Variants in SRSF12 observed in about 807,000 individuals in gnomAD.
SRSF12 encodes the protein serine and arginine rich splicing factor 12, also known as serine/arginine-rich splicing factor 12.
Under a neutral mutation model 34.1 loss-of-function variants are expected in SRSF12, and 21 were observed. The observed-to-expected ratio is 0.62, with a 90% CI of 0.44 to 0.89. The LOEUF (loss-of-function observed/expected upper bound fraction) is 0.89, where lower values mean the gene tolerates loss of function less well. Ranked by LOEUF, SRSF12 falls within the 40% of genes least tolerant of loss-of-function variation. SRSF12 has a pLI of 0.00. For synonymous variants in SRSF12, 111 were observed against 110.8 expected (o/e 1.00, Z -0.01); for missense variants, 278 against 327.8 (o/e 0.85, Z 1.17).
At chr6:89,115,501 C>T (rs888547083) in intron 1 of SRSF12, among the ~76,000 whole-genome samples, 1 of 151,942 alleles carries the variant, frequency 6.6e-6, no homozygotes, top group South Asian at 2.1e-4. Context: ...AGGTTGGTCT[C>T]GAACCCCTCA....
intron 4 of SRSF12, among the ~76,000 whole-genome samples, chr6:89,102,653 T>G (rs1768590567): frequency 6.6e-6 from 1 of 152,206 alleles, no homozygotes; most frequent in Non-Finnish European, 1.5e-5. Context: ...AGGAGCAATT[T>G]TAACACTGTT....
chr6:89,116,083 T>C (rs1371292396), intron 1 of SRSF12, among the ~76,000 whole-genome samples: 1 of 152,268 alleles, frequency 6.6e-6, no homozygotes, highest in Non-Finnish European at 1.5e-5. Flanking sequence ...AGCTGGAGCC[T>C]AGAGGCAGAT....
At chr6:89,116,818 A>G (rs1308844120) in intron 1 of SRSF12, among the ~76,000 whole-genome samples, 1 of 151,822 alleles carries the variant, frequency 6.6e-6, no homozygotes, top group African/African-American at 2.4e-5. Context: ...CTTAACGTTT[A>G]TTTACTCCTC....
chr6:89,105,762 T>C (rs1023969673), intron 2 of SRSF12: 5 of 277,266 alleles, frequency 1.8e-5, no homozygotes, highest in African/African-American at 1.1e-4. Flanking sequence ...AAAACAAACA[T>C]GTAACTGTAC....
chr6:89,115,527 C>T (rs1035344921), intron 1 of SRSF12, among the ~76,000 whole-genome samples: 4 of 152,100 alleles, frequency 2.6e-5, no homozygotes, highest in Non-Finnish European at 4.4e-5. Context: ...AGTGATCCGC[C>T]GAACTCGGTC....
At chr6:89,113,268 G>A (rs987619102) in intron 1 of SRSF12, among the ~76,000 whole-genome samples, 3 of 152,150 alleles carry the variant, frequency 2.0e-5, no homozygotes, top group Non-Finnish European at 4.4e-5. Context: ...CTGCCTCCCA[G>A]GTTCATGCGA....
In SRSF12 at chr6:89,100,098, G is replaced by C. The variant is rs1768469422; in HGVS notation, c.417-1151C>G. ...AAAAACTCTAGAGAAGAGTGAATTA[G>C]AGACCAAAAAGTACCTCTAAAATTT... is the stretch of plus-strand genomic sequence containing the variant. On this transcript the variant is annotated intron_variant, in intron 4 of 4. Transcript: ENST00000452027. Among the ~76,000 whole-genome samples the C allele has an allele frequency of 1.3e-5, 2 of 152,156 alleles. 1 individual carries two copies. Among genetic ancestry groups the C allele is most frequent in the South Asian group, 4.1e-4 (2 of 4,832 alleles).
chr6:89,104,530 G>A (rs1022938570), intron 4 of SRSF12, among the ~76,000 whole-genome samples: 6 of 151,900 alleles, frequency 3.9e-5, no homozygotes, highest in African/African-American at 1.2e-4. Context: ...GCCACTGCAC[G>A]CGGCTGAGTA....
chr6:89,101,782 T>A (rs1309614990), intron 4 of SRSF12, among the ~76,000 whole-genome samples: 2 of 152,062 alleles, frequency 1.3e-5, no homozygotes, highest in African/African-American at 4.8e-5. Flanking sequence ...ACCACAAGAC[T>A]GACAACTCAC....
intron 4 of SRSF12, among the ~76,000 whole-genome samples, 153 bp from the exon 5 acceptor site, chr6:89,099,100 G>A (rs1454467988): frequency 6.6e-6 from 1 of 151,246 alleles, no homozygotes; most frequent in Non-Finnish European, 1.5e-5. Context: ...CATGCTTTTG[G>A]TTCAAACATA....
chr6:89,116,557 T>C (rs982960889), intron 1 of SRSF12, among the ~76,000 whole-genome samples: 1 of 152,096 alleles, frequency 6.6e-6, no homozygotes, highest in African/African-American at 2.4e-5. Context: ...GGCGGATCAC[T>C]TGAGGTCAGG....
chr6:89,111,098 G>A (rs1400711257), intron 1 of SRSF12, among the ~76,000 whole-genome samples: 1 of 150,650 alleles, frequency 6.6e-6, no homozygotes, highest in East Asian at 1.9e-4. Flanking sequence ...GGAAGACAGG[G>A]TGAGACTTGT....
At chr6:89,107,014 C>T in intron 2 of SRSF12, 140 bp downstream of exon 2, 2 of 901,326 alleles carry the variant, frequency 2.2e-6, no homozygotes, top group Non-Finnish European at 3.5e-6. Context: ...CTACTGTGGA[C>T]TGCTTTAGAT....
intron 1 of SRSF12, among the ~76,000 whole-genome samples, chr6:89,116,557 T>A (rs982960889): frequency 3.9e-5 from 6 of 152,216 alleles, no homozygotes; most frequent in Admixed American, 1.3e-4. Context: ...GGCGGATCAC[T>A]TGAGGTCAGG....
chr6:89,117,941 T>C lies in SRSF12; in HGVS notation c.-54A>G, dbSNP rs1769393818. 4 of 1,516,262 alleles carry C rather than the reference T, an allele frequency of 2.6e-6. No homozygotes were observed. The South Asian group carries it at 4.9e-5, about 19-fold the overall frequency. The allele number at this position is 1,516,262 out of a possible 1,614,324, so 93.9% of individuals were successfully genotyped here. On this transcript the variant is annotated 5_prime_UTR_variant, in exon 1 of 5. Coordinates refer to ENST00000452027, the MANE Select transcript of SRSF12 (RefSeq NM_080743.5). ...GCCCGCGGCCGCTGGACTCGCTCCG[T>C]CTCCCGCTACCGCTGCTACCACCAC...
intron 1 of SRSF12, among the ~76,000 whole-genome samples, chr6:89,109,648 G>C (rs569400599): frequency 6.6e-6 from 1 of 152,298 alleles, no homozygotes; most frequent in Non-Finnish European, 1.5e-5. Context: ...GAGTCAGATG[G>C]AACAGGTCTT....
At chr6:89,115,370 C>T (rs2127997725) in intron 1 of SRSF12, among the ~76,000 whole-genome samples, 1 of 152,124 alleles carries the variant, frequency 6.6e-6, no homozygotes. Context: ...CCAACCTCCA[C>T]CTCTGGGGTT....
chr6:89,111,111 T>TGTC (rs540990305), intron 1 of SRSF12, among the ~76,000 whole-genome samples: 9,355 of 143,188 alleles, frequency 0.065, 836 homozygotes, highest in African/African-American at 0.2. Flanking sequence ...AGACTTGTCT[T>TGTC]TTTTTTTTTT....
At position 89,098,480 on chromosome 6, in the gene SRSF12, A is replaced by C; in HGVS notation, c.*98T>G. On this transcript the variant is annotated 3_prime_UTR_variant, in exon 5 of 5. Transcript: ENST00000452027. The stretch of plus-strand genomic sequence containing the variant: ...CCATATGCCCAAAGTAACTAATATC[A>C]ACTCGCATTTTCTGTATGCCTTAAA... The C allele has an allele frequency of 4.9e-6, 7 of 1,422,474 alleles. No individual in the cohort carries two copies. The highest frequency in any genetic ancestry group is 5.6e-6 in the Non-Finnish European group (6 of 1,073,156). The allele number at this position is 1,422,474 out of a possible 1,614,324, so 88.1% of individuals were successfully genotyped here.
Sources: allele counts gnomAD v4.1 joint callset (sites outside exome capture counted in the v4.1 genomes callset), GRCh38; gene constraint gnomAD v4.1.1; transcripts MANE v1.5; gene names NCBI Gene and HGNC (gene_info 2026-07-23, HGNC 2026-07-21).